SDCCAG8: variants seen among roughly 807,000 people sequenced by gnomAD.
SDCCAG8 encodes SHH signaling and ciliogenesis regulator SDCCAG8.
Under a neutral mutation model 101.8 loss-of-function variants are expected in SDCCAG8, and 74 were observed. The observed-to-expected ratio is 0.73, with a 90% CI of 0.60 to 0.88. The LOEUF is 0.88. SDCCAG8 is among the 40% of genes least tolerant of loss of function. The probability of loss-of-function intolerance (pLI) is 0.00; values close to 1 mark genes in which losing one functional copy is unlikely to be tolerated. For synonymous variants in SDCCAG8, 281 were observed against 292.9 expected, an observed-to-expected ratio of 0.96 and a Z score of 0.41; for missense variants, 787 against 822.6, an observed-to-expected ratio of 0.96 and a Z score of 0.53.
At chr1:243,295,351 C>T (rs919770721) in intron 6 of SDCCAG8, among the ~76,000 whole-genome samples, 2 of 152,156 alleles carry the variant, frequency 1.3e-5, no homozygotes, top group Admixed American at 6.5e-5. Context: ...GATTCTCCTG[C>T]CTCAGCACCC....
chr1:243,379,567 C>G (rs770893136), intron 13 of SDCCAG8, among the ~76,000 whole-genome samples: 24 of 152,132 alleles, frequency 1.6e-4, no homozygotes, highest in Non-Finnish European at 2.9e-4. Flanking sequence ...TACACACACA[C>G]ATAAATACAC....
chr1:243,405,923 TAATAATAG>T (rs140034252), intron 13 of SDCCAG8, among the ~76,000 whole-genome samples: 1,801 of 152,090 alleles, frequency 0.012, 41 homozygotes, highest in African/African-American at 0.042. Context: ...TAAAACATTT[TAATAATAG>T]AATAATAGAA....
chr1:243,477,291 G>T (rs1662640527), intron 16 of SDCCAG8, among the ~76,000 whole-genome samples: 1 of 152,184 alleles, frequency 6.6e-6, no homozygotes, highest in Non-Finnish European at 1.5e-5. Context: ...ACTCTGCAAA[G>T]ATTCTGATTT....
chr1:243,491,966 C>A (rs943072943), intron 17 of SDCCAG8, among the ~76,000 whole-genome samples: 17 of 152,158 alleles, frequency 1.1e-4, no homozygotes, highest in Non-Finnish European at 2.1e-4. Context: ...GAGAATGGGT[C>A]GGGCAATGGT....
At position 243,459,024 on chromosome 1, in the gene SDCCAG8, A is replaced by T. The variant is rs1034744726; in HGVS notation, c.1986-29990A>T. On this transcript the variant is annotated intron_variant, in intron 16 of 17. Transcript: ENST00000366541. ...ATGTGTTTATGTTACCTTAAATTTG[A>T]GGCAGACTATGGAGAGTGAGAAGAA... Among the ~76,000 whole-genome samples the T allele has an allele frequency of 3.4e-4, 51 of 152,230 alleles. 1 individual carries two copies.
At chr1:243,448,454 A>G (rs1260282053) in intron 16 of SDCCAG8, among the ~76,000 whole-genome samples, 2 of 152,178 alleles carry the variant, frequency 1.3e-5, no homozygotes, top group African/African-American at 2.4e-5. Flanking sequence ...TCAGATATGT[A>G]TTGTGTTCTA....
chr1:243,487,096 C>G (rs1425177301), intron 16 of SDCCAG8, among the ~76,000 whole-genome samples: 1 of 152,244 alleles, frequency 6.6e-6, no homozygotes, highest in Non-Finnish European at 1.5e-5. Flanking sequence ...AGAGCTGTTA[C>G]CATCTCTGTC....
intron 16 of SDCCAG8, 66 bp downstream of exon 16, chr1:243,426,624 G>A: frequency 6.3e-7 from 1 of 1,585,974 alleles, no homozygotes; most frequent in African/African-American, 1.3e-5. Flanking sequence ...ACACTGAAGG[G>A]GAATTGCTGC....
At chr1:243,256,443 C>G (rs1353251995) in intron 1 of SDCCAG8, among the ~76,000 whole-genome samples, 1 of 152,222 alleles carries the variant, frequency 6.6e-6, no homozygotes, top group Non-Finnish European at 1.5e-5. Flanking sequence ...CTCAGATTCC[C>G]GTAGTTACCT....
At chr1:243,307,941 T>C in intron 7 of SDCCAG8, 48 bp from the exon 8 acceptor site, 2 of 1,608,266 alleles carry the variant, frequency 1.2e-6, no homozygotes, top group Non-Finnish European at 1.7e-6. Context: ...TTTAAAGTCA[T>C]GTAATTTTAC....
Position 243,274,647 on chromosome 1 carries a change from G to A in SDCCAG8, c.411G>A (p.Lys137=), listed in dbSNP as rs936485341. The change falls in exon 4 of 18, where the codon AAG becomes AAA. Residue 137 remains lysine, a synonymous_variant. Transcript: ENST00000366541. The part of the protein sequence containing the change: ...QYIHHLEAEV[K]FCKEELSGMK... ...TTCATCATTTAGAGGCAGAAGTTAA[G>A]TTCTGCAAGGTAAGTTTCTCATTAA... is the stretch of plus-strand genomic sequence containing the variant. 8 of 1,553,962 alleles carry A rather than the reference G, an allele frequency of 5.1e-6. No homozygotes were observed. Among genetic ancestry groups the A allele is most frequent in the Non-Finnish European group, 7.1e-6 (8 of 1,126,356 alleles).
intron 16 of SDCCAG8, among the ~76,000 whole-genome samples, chr1:243,430,453 T>C (rs1275995065): frequency 3.3e-5 from 5 of 152,064 alleles, no homozygotes; most frequent in African/African-American, 1.2e-4. Context: ...ATTTTATTTA[T>C]TTATTTTTTG....
chr1:243,488,972 T>A, intron 16 of SDCCAG8, 42 bp from the exon 17 acceptor site: 1 of 1,612,906 alleles, frequency 6.2e-7, no homozygotes, highest in Non-Finnish European at 8.5e-7. Context: ...GTTGAAAGGC[T>A]GACGTTATCC....
At position 243,353,309 on chromosome 1, in the gene SDCCAG8, G is replaced by GGCT. The variant is rs2076187862; in HGVS notation, c.1473+8979_1473+8980insCTG. 2.0e-5 allele frequency among the ~76,000 whole-genome samples: 3 copies of GGCT among 151,400 alleles called. No individual in the cohort carries two copies. In the East Asian group the frequency reaches 5.9e-4, roughly 30 times the overall value. On this transcript the variant is annotated intron_variant, in intron 12 of 17. Transcript: ENST00000366541. ...AGTTCGAGGCCAGCCTGGCCAACGT[G>GGCT]GTAAAACCGTGCATCTACTAAAAAT... is the stretch of plus-strand genomic sequence containing the variant.
chr1:243,386,108 A>G (rs2078270519), intron 13 of SDCCAG8, among the ~76,000 whole-genome samples: 1 of 152,220 alleles, frequency 6.6e-6, no homozygotes, highest in Non-Finnish European at 1.5e-5. Context: ...CTGTTCCAGG[A>G]ACCAAGCTGA....
chr1:243,358,306 T>C (rs1573540497), intron 12 of SDCCAG8, among the ~76,000 whole-genome samples: 1 of 152,096 alleles, frequency 6.6e-6, no homozygotes, highest in Non-Finnish European at 1.5e-5. Context: ...TTAAAGAAGA[T>C]ATGTTAATAA....
intron 12 of SDCCAG8, among the ~76,000 whole-genome samples, chr1:243,351,623 C>T (rs958141272): frequency 1.2e-4 from 18 of 152,310 alleles, no homozygotes; most frequent in African/African-American, 2.6e-4. Context: ...GTGTTCTTAT[C>T]GCAGCCTAAC....
At chr1:243,404,373 C>T (rs2079612721) in intron 13 of SDCCAG8, among the ~76,000 whole-genome samples, 1 of 152,120 alleles carries the variant, frequency 6.6e-6, no homozygotes, top group African/African-American at 2.4e-5. Context: ...AAAGATCCAG[C>T]AGACACAGGT....
chr1:243,271,008 A>G lies in SDCCAG8; in HGVS notation c.251A>G (p.Gln84Arg). ...VNQLKDLLRQQADKESEVSPS... is the reference protein window; with the variant it reads ...VNQLKDLLRQRADKESEVSPS... ...CAGCTCAAAGATTTGTTGCGCCAAC[A>G]AGCAGATAAGGAAAGTGAAGTATCT... Residue 84 changes from glutamine to arginine, a missense_variant, in exon 3 of 18, where the codon CAA becomes CGA. Gln to Arg is a conservative substitution (Grantham distance 43). Coordinates refer to ENST00000366541, the MANE Select transcript of SDCCAG8 (RefSeq NM_006642.5). The G allele has an allele frequency of 1.2e-6, 2 of 1,613,608 alleles. No homozygotes were observed. Among genetic ancestry groups the G allele is most frequent in the South Asian group, 2.2e-5 (2 of 91,074 alleles).
Sources: gnomAD v4.1 joint callset for allele counts (sites outside exome capture counted in the v4.1 genomes callset) on GRCh38, gnomAD v4.1.1 for gene constraint, MANE v1.5 for transcripts, NCBI Gene and HGNC (gene_info 2026-07-23, HGNC 2026-07-21) for gene names.